Variants in FNDC3B observed in about 807,000 individuals in gnomAD.
FNDC3B encodes the protein fibronectin type III domain containing 3B, also known as fibronectin type III domain-containing protein 3B.
Under a neutral mutation model 151.5 loss-of-function variants are expected in FNDC3B, and 12 were observed. That is an observed-to-expected ratio of 0.08 (90% confidence interval 0.05 to 0.13). The LOEUF is 0.13. Among genes scored for constraint, FNDC3B ranks in the 10% least tolerant of loss-of-function variants. FNDC3B has a pLI of 1.00. For missense variants in FNDC3B, 1,214 were observed against 1,505.3 expected, an observed-to-expected ratio of 0.81 and a Z score of 3.20; for synonymous variants, 528 against 549.0, an observed-to-expected ratio of 0.96 and a Z score of 0.54.
chr3:172,326,695 C>T (rs1021631113), intron 11 of FNDC3B, among the ~76,000 whole-genome samples: 1 of 152,136 alleles, frequency 6.6e-6, no homozygotes, highest in African/African-American at 2.4e-5. Context: ...AGTGCTCTGG[C>T]TCTCTTAAAA....
chr3:172,392,810 C>CTT (rs1167627679), intron 25 of FNDC3B, among the ~76,000 whole-genome samples: 2 of 99,898 alleles, frequency 2.0e-5, no homozygotes, highest in Non-Finnish European at 3.7e-5. Flanking sequence ...TTTTTTTTTT[C>CTT]TTTTTTTTTT....
At chr3:172,046,889 T>G (rs1412284180) in intron 1 of FNDC3B, 2 of 152,222 alleles carry the variant, frequency 1.3e-5, no homozygotes, top group Non-Finnish European at 2.9e-5. Flanking sequence ...TGTTCTGATG[T>G]TTTTGGAATC....
intron 25 of FNDC3B, among the ~76,000 whole-genome samples, chr3:172,394,110 A>T (rs1338845944): frequency 4.2e-4 from 43 of 101,894 alleles, no homozygotes; most frequent in Admixed American, 2.6e-4. Flanking sequence ...TCCTTCTAAA[A>T]AAAAAAAAAA....
intron 2 of FNDC3B, among the ~76,000 whole-genome samples, chr3:172,124,173 C>T (rs920869107): frequency 6.6e-6 from 1 of 152,192 alleles, no homozygotes; most frequent in African/African-American, 2.4e-5. Context: ...TCACTGCAAC[C>T]TCTGCCTCCC....
chr3:172,200,571 C>T (rs985203651), intron 3 of FNDC3B, among the ~76,000 whole-genome samples: 43 of 152,242 alleles, frequency 2.8e-4, no homozygotes, highest in African/African-American at 9.1e-4. Flanking sequence ...ATGTTAGATG[C>T]GTTCACCCAA....
intron 7 of FNDC3B, among the ~76,000 whole-genome samples, chr3:172,289,318 C>A (rs1346396575): frequency 1.3e-5 from 2 of 152,274 alleles, no homozygotes; most frequent in South Asian, 2.1e-4. Flanking sequence ...CTTATAAGGA[C>A]CCCCGTGATT....
chr3:172,320,748 C>T (rs564791211), intron 11 of FNDC3B, among the ~76,000 whole-genome samples: 14 of 152,128 alleles, frequency 9.2e-5, no homozygotes, highest in Non-Finnish European at 1.9e-4. Flanking sequence ...ACACTGTAGC[C>T]TGAATTAATT....
Position 172,344,933 on chromosome 3 carries a change from A to G in FNDC3B, c.2250+675A>G, listed in dbSNP as rs546024540. 5.9e-5 allele frequency among the ~76,000 whole-genome samples: 9 copies of G among 152,326 alleles called. No individual in the cohort carries two copies. The East Asian group carries it at 1.7e-3, about 29-fold the overall frequency. On this transcript the variant is annotated intron_variant, in intron 19 of 25. Transcript: ENST00000415807. ...GGCTTTTGGGTGGGCTCAGAGATTG[A>G]TGAAGCATAAAAGGGCAGAAGCGTG...
intron 2 of FNDC3B, among the ~76,000 whole-genome samples, chr3:172,121,236 A>T (rs1720529667): frequency 1.3e-5 from 2 of 152,118 alleles, no homozygotes; most frequent in South Asian, 4.1e-4. Flanking sequence ...AATGATTAAA[A>T]TTTTTTCAGG....
At chr3:172,316,132 C>G (rs191655665) in intron 11 of FNDC3B, among the ~76,000 whole-genome samples, 4 of 151,206 alleles carry the variant, frequency 2.6e-5, no homozygotes, top group Admixed American at 2.0e-4. Flanking sequence ...CTCGGCCACT[C>G]GAGCAGCTGA....
chr3:172,191,913 G>T (rs765396188), intron 3 of FNDC3B, among the ~76,000 whole-genome samples: 5 of 152,108 alleles, frequency 3.3e-5, no homozygotes, highest in Non-Finnish European at 5.9e-5. Flanking sequence ...GTAGCCTCTG[G>T]GCTTAGTGGG....
intron 3 of FNDC3B, among the ~76,000 whole-genome samples, chr3:172,153,267 C>T (rs1012611570): frequency 6.6e-6 from 1 of 152,134 alleles, no homozygotes; most frequent in South Asian, 2.1e-4. Flanking sequence ...ATCTGGGGAA[C>T]ATTGAAAAAC....
intron 21 of FNDC3B, among the ~76,000 whole-genome samples, chr3:172,351,345 GGCCA>G (rs927927983): frequency 7.9e-5 from 12 of 152,218 alleles, no homozygotes; most frequent in African/African-American, 2.9e-4. Context: ...CAAGTGCAAA[GGCCA>G]TGAGGAGGCA....
At chr3:172,160,473 C>T (rs1419526786) in intron 3 of FNDC3B, among the ~76,000 whole-genome samples, 2 of 152,208 alleles carry the variant, frequency 1.3e-5, no homozygotes, top group African/African-American at 4.8e-5. Flanking sequence ...CCTAAGAAGT[C>T]ATGTGAAATC....
chr3:172,380,257 G>C (rs1259929948), intron 24 of FNDC3B, among the ~76,000 whole-genome samples: 1 of 152,016 alleles, frequency 6.6e-6, no homozygotes, highest in Non-Finnish European at 1.5e-5. Context: ...AAGCTGTAGA[G>C]ATAGAAGTTA....
intron 1 of FNDC3B, among the ~76,000 whole-genome samples, chr3:172,044,733 C>T (rs946127885): frequency 1.3e-5 from 2 of 152,080 alleles, no homozygotes; most frequent in Non-Finnish European, 2.9e-5. Context: ...TTATAGTGTC[C>T]TAGTGAGTGT....
intron 9 of FNDC3B, chr3:172,303,013 C>G (rs972533116): frequency 1.9e-5 from 2 of 102,778 alleles, no homozygotes; most frequent in Non-Finnish European, 3.7e-5. Flanking sequence ...ATTTTAAATA[C>G]TTATATATAT....
chr3:172,168,775 C>T (rs1226813411), intron 3 of FNDC3B, among the ~76,000 whole-genome samples: 2 of 146,018 alleles, frequency 1.4e-5, no homozygotes, highest in East Asian at 2.0e-4. Context: ...TGCAGTGGCG[C>T]GATCTCGGCT....
intron 3 of FNDC3B, among the ~76,000 whole-genome samples, chr3:172,196,759 G>A (rs1724853700): frequency 6.6e-6 from 1 of 152,152 alleles, no homozygotes; most frequent in African/African-American, 2.4e-5. Flanking sequence ...CACAGATGAT[G>A]GCACCTCACG....
Sources: allele counts gnomAD v4.1 joint callset (sites outside exome capture counted in the v4.1 genomes callset), GRCh38; gene constraint gnomAD v4.1.1; transcripts MANE v1.5; gene names NCBI Gene and HGNC (gene_info 2026-07-23, HGNC 2026-07-21).